CABIN1: variants seen among roughly 807,000 people sequenced by gnomAD.
CABIN1 encodes calcineurin-binding protein cabin-1.
CABIN1 carries 133 observed loss-of-function variants against 227.7 expected under a neutral mutation model. The observed-to-expected ratio is 0.58, with a 90% CI of 0.51 to 0.67. The LOEUF (loss-of-function observed/expected upper bound fraction) is 0.67. Among genes scored for constraint, CABIN1 ranks in the 30% least tolerant of loss-of-function variants. CABIN1 has a pLI of 0.00. For synonymous variants in CABIN1, 1,086 were observed against 1,155.1 expected, an observed-to-expected ratio of 0.94 and a Z score of 1.21; for missense variants, 2,408 against 2,852.5, an observed-to-expected ratio of 0.84 and a Z score of 3.55.
At chr22:24,062,850 G>A (rs1004874613) in intron 13 of CABIN1, 109 bp from the exon 14 acceptor site, 12 of 1,028,508 alleles carry the variant, frequency 1.2e-5, no homozygotes, top group Non-Finnish European at 1.9e-5. Context: ...GGCTTAGGGT[G>A]CCCCTGGAGA....
chr22:24,079,559 G>A (rs1431590365), intron 19 of CABIN1, among the ~76,000 whole-genome samples: 2 of 152,166 alleles, frequency 1.3e-5, no homozygotes, highest in African/African-American at 4.8e-5. Context: ...TCAGCCCTAG[G>A]TACAGTAGAC....
chr22:24,067,878 G>A (rs746451228), intron 16 of CABIN1, among the ~76,000 whole-genome samples: 1 of 152,080 alleles, frequency 6.6e-6, no homozygotes, highest in Non-Finnish European at 1.5e-5. Flanking sequence ...TGCTGTCATC[G>A]TTGCCACCAT....
At chr22:24,031,887 T>G (rs2036526103) in intron 1 of CABIN1, among the ~76,000 whole-genome samples, 1 of 152,258 alleles carries the variant, frequency 6.6e-6, no homozygotes, top group Admixed American at 6.5e-5. Flanking sequence ...AGACTTTATT[T>G]GGAGTAATGT....
chr22:24,084,770 G>A lies in CABIN1; in HGVS notation c.3102G>A (p.Glu1034=), dbSNP rs746218191. Residue 1034 remains glutamate, a synonymous_variant, in exon 21 of 37, where the codon GAG becomes GAA. Transcript: ENST00000263119. Reference sequence around the variant, plus strand: ...TGGACAAAGTCTCTGCCTACATTGAGGGAACTTCAACTGAGGTGGGCCCAC... The same window carrying A: ...TGGACAAAGTCTCTGCCTACATTGAAGGAACTTCAACTGAGGTGGGCCCAC... The part of the protein sequence containing the change: ...LSLDKVSAYI[E]GTSTEVPCLP... 6.2e-7 allele frequency: 1 copy of A among 1,614,170 alleles called. No individual in the cohort carries two copies. Among genetic ancestry groups the A allele is most frequent in the Admixed American group, 1.7e-5 (1 of 60,032 alleles).
intron 29 of CABIN1, among the ~76,000 whole-genome samples, chr22:24,160,890 C>T (rs1454856473): frequency 1.3e-5 from 2 of 152,364 alleles, no homozygotes; most frequent in South Asian, 2.1e-4. Flanking sequence ...CAGCATCCTA[C>T]CACCTCCACT....
rs937642908 is a variant in CABIN1, at chr22:24,038,409, A to C, written c.158A>C (p.Glu53Ala). ...GATCTGCAGAAACATGACCGGTTTGAGGAGTCTGCCAAAGCCTACCATGAG... is the reference window on the plus strand; with the variant it reads ...GATCTGCAGAAACATGACCGGTTTGCGGAGTCTGCCAAAGCCTACCATGAG... The part of the protein sequence containing the change: ...ALDLQKHDRF[E>A]ESAKAYHELL... The change falls in exon 4 of 37, where the codon GAG (glutamate) becomes GCG (alanine). Residue 53 changes from glutamate (E) to alanine (A), a missense_variant. Glu to Ala is a moderately radical substitution (Grantham distance 107). Around this residue, in one of 3 missense-constraint regions of CABIN1, gnomAD observed 1,045 missense variants for 1,168.4 expected, o/e 0.89. Coordinates refer to ENST00000263119, the MANE Select transcript of CABIN1 (RefSeq NM_012295.4). The C allele has an allele frequency of 1.2e-6, 2 of 1,614,106 alleles. No individual in the cohort carries two copies. Among genetic ancestry groups the C allele is most frequent in the South Asian group, 2.2e-5 (2 of 91,084 alleles).
rs141163244 is a variant in CABIN1, at chr22:24,120,547, C to T, written c.4632+849C>T. The stretch of plus-strand genomic sequence containing the variant: ...ACTTAAAAACATACAGATGGCCAGG[C>T]GTGGTGGCTCACGCCTGTAATCCCA... On this transcript the variant is annotated intron_variant, in intron 28 of 36. Coordinates refer to ENST00000263119, the MANE Select transcript of CABIN1 (RefSeq NM_012295.4). 2.9e-3 allele frequency among the ~76,000 whole-genome samples: 448 copies of T among 152,230 alleles called. 8 individuals are homozygous for T. The highest frequency in any genetic ancestry group is 0.014 in the Middle Eastern group (4 of 294).
In CABIN1 at chr22:24,083,353, T is replaced by C; in HGVS notation, c.2874T>C (p.Ser958=). 1.9e-6 allele frequency: 3 copies of C among 1,613,678 alleles called. No individual in the cohort carries two copies. The highest frequency in any genetic ancestry group is 2.5e-6 in the Non-Finnish European group (3 of 1,179,996). ...YCLYSFPSKK[S]KARYLEEHSA... ...TGTACAGCTTCCCCAGCAAGAAGAGTAAGGCCAGGTACCTGGAGGAACACT... is the reference window on the plus strand; with the variant it reads ...TGTACAGCTTCCCCAGCAAGAAGAGCAAGGCCAGGTACCTGGAGGAACACT... The change falls in exon 20 of 37, where the codon AGT becomes AGC. Residue 958 remains serine, a synonymous_variant. Coordinates refer to ENST00000263119, the MANE Select transcript of CABIN1 (RefSeq NM_012295.4).
Position 24,071,108 on chromosome 22 carries a change from T to C in CABIN1, c.2475+66T>C, listed in dbSNP as rs1015709894. ...GTATGTCTCTGTGACATCCTGCTTC[T>C]TCAGTAGTTCATAGCTTTCATTGCT... On this transcript the variant is annotated intron_variant, in intron 17 of 36. Transcript: ENST00000263119. 22 of 1,604,176 alleles carry C rather than the reference T, an allele frequency of 1.4e-5. No homozygotes were observed. In the Admixed American group the frequency reaches 3.7e-4, roughly 27 times the overall value.
chr22:24,168,431 G>C lies in CABIN1; in HGVS notation c.5683-16G>C. The C allele has an allele frequency of 6.4e-7, 1 of 1,564,900 alleles. No individual in the cohort carries two copies. The highest frequency in any genetic ancestry group is 1.4e-5 in the African/African-American group (1 of 73,750). The stretch of plus-strand genomic sequence containing the variant: ...AATGGCCTGCGCCCCCTGACTTCCA[G>C]CATCTCCCTGTTAAGGTGGATGAGG... On this transcript the variant is annotated splice_polypyrimidine_tract_variant and intron_variant, in intron 32 of 36. Transcript: ENST00000263119.
At chr22:24,111,886 A>G (rs2042827516) in intron 26 of CABIN1, among the ~76,000 whole-genome samples, 1 of 152,208 alleles carries the variant, frequency 6.6e-6, no homozygotes, top group African/African-American at 2.4e-5. Flanking sequence ...TGTCTGGGAA[A>G]GGCATTCGTC....
chr22:24,123,203 C>T (rs768229423), intron 28 of CABIN1, among the ~76,000 whole-genome samples: 2 of 152,156 alleles, frequency 1.3e-5, no homozygotes, highest in East Asian at 1.9e-4. Flanking sequence ...GTCAGTATCC[C>T]CAGACAACCC....
At chr22:24,025,595 C>T (rs1238276439) in intron 1 of CABIN1, among the ~76,000 whole-genome samples, 2 of 152,150 alleles carry the variant, frequency 1.3e-5, no homozygotes, top group Admixed American at 1.3e-4. Context: ...TATTCTTTTA[C>T]CAAATATCAG....
At chr22:24,149,154 A>C (rs1266458891) in intron 29 of CABIN1, among the ~76,000 whole-genome samples, 1 of 151,938 alleles carries the variant, frequency 6.6e-6, no homozygotes, top group East Asian at 1.9e-4. Flanking sequence ...CAGACCAAGG[A>C]CTCCCTCACA....
chr22:24,115,174 C>T (rs934798601), intron 27 of CABIN1, among the ~76,000 whole-genome samples: 1 of 152,196 alleles, frequency 6.6e-6, no homozygotes, highest in Non-Finnish European at 1.5e-5. Flanking sequence ...TGCTCTGTGG[C>T]CTGTCAAGCC....
At chr22:24,159,141 C>A (rs933383578) in intron 29 of CABIN1, among the ~76,000 whole-genome samples, 3 of 152,194 alleles carry the variant, frequency 2.0e-5, no homozygotes, top group Non-Finnish European at 4.4e-5. Flanking sequence ...CCCAGGAGGC[C>A]AGGCTCTGCT....
At chr22:24,086,933 G>A (rs1441900980) in intron 22 of CABIN1, among the ~76,000 whole-genome samples, 2 of 152,264 alleles carry the variant, frequency 1.3e-5, no homozygotes, top group East Asian at 3.9e-4. Context: ...GGGTCCAGGG[G>A]TCTCTGCTGC....
chr22:24,129,272 G>C (rs1036374609), intron 28 of CABIN1, among the ~76,000 whole-genome samples: 2 of 152,222 alleles, frequency 1.3e-5, no homozygotes, highest in African/African-American at 4.8e-5. Context: ...GAGAAAGGGA[G>C]CGTGGGGAGT....
intron 6 of CABIN1, among the ~76,000 whole-genome samples, chr22:24,047,981 T>G (rs1324306997): frequency 6.6e-6 from 1 of 152,228 alleles, no homozygotes; most frequent in African/African-American, 2.4e-5. Flanking sequence ...GTAATTTATA[T>G]CATAGTTCTG....
Sources: allele counts gnomAD v4.1 joint callset (sites outside exome capture counted in the v4.1 genomes callset), GRCh38; gene constraint gnomAD v4.1.1; regional missense constraint gnomAD v4.1.1; transcripts MANE v1.5; gene names NCBI Gene and HGNC (gene_info 2026-07-23, HGNC 2026-07-21).